The following HAVCR2 variants were observed in gnomAD, a reference collection of about 807,000 sequenced individuals.
HAVCR2 encodes hepatitis A virus cellular receptor 2, also known as T cell immunoglobulin mucin 3.
Under a neutral mutation model 24.7 loss-of-function variants are expected in HAVCR2, and 13 were observed. The observed-to-expected ratio is 0.53, with a 90% confidence interval of 0.34 to 0.84. HAVCR2 has a LOEUF of 0.84. Among genes scored for constraint, HAVCR2 ranks in the 40% least tolerant of loss-of-function variants. The probability of loss-of-function intolerance (pLI) is 0.01; values close to 1 mark genes in which losing one functional copy is unlikely to be tolerated. For synonymous variants in HAVCR2, 154 were observed against 143.4 expected (o/e 1.07, Z -0.53); for missense variants, 343 against 371.2 (o/e 0.92, Z 0.62).
chr5:157,104,606 C>A (rs1033357946), intron 3 of HAVCR2, 60 bp downstream of exon 3: 5 of 1,219,682 alleles, frequency 4.1e-6, no homozygotes, highest in Non-Finnish European at 4.7e-6. Context: ...TTCCCACATT[C>A]AAAATCCTCT....
chr5:157,096,103 G>A (rs571084287), intron 4 of HAVCR2, among the ~76,000 whole-genome samples: 6 of 151,892 alleles, frequency 4.0e-5, no homozygotes, highest in Admixed American at 6.6e-5. Flanking sequence ...ACACATGCCT[G>A]TAATCCTAGC....
chr5:157,096,223 C>T lies in HAVCR2; in HGVS notation c.523-764G>A, dbSNP rs191153103. On this transcript the variant is annotated intron_variant, in intron 4 of 6. Coordinates refer to ENST00000307851, the MANE Select transcript of HAVCR2 (RefSeq NM_032782.5). The stretch of plus-strand genomic sequence containing the variant: ...CCAACCTGGGCAACAGAGCGAGACT[C>T]CATCTCAAAAAAAAAAAAAAAAAAA... 3.3e-3 allele frequency among the ~76,000 whole-genome samples: 368 copies of T among 110,866 alleles called. 3 individuals are homozygous for T. In the South Asian group the frequency reaches 0.041, roughly 12 times the overall value. 72.7% of individuals were successfully genotyped at this position (110,866 alleles called of 152,430 possible).
At chr5:157,099,466 G>A (rs2113691113) in intron 3 of HAVCR2, among the ~76,000 whole-genome samples, 1 of 152,056 alleles carries the variant, frequency 6.6e-6, no homozygotes, top group African/African-American at 2.4e-5. Context: ...TGACCAGGCT[G>A]GTTGTGAACT....
At chr5:157,098,489 C>T (rs1376151559) in intron 4 of HAVCR2, among the ~76,000 whole-genome samples, 1 of 151,910 alleles carries the variant, frequency 6.6e-6, no homozygotes, top group Non-Finnish European at 1.5e-5. Context: ...TTTAAATACT[C>T]TTTCCCATTA....
intron 1 of HAVCR2, among the ~76,000 whole-genome samples, chr5:157,108,487 A>C (rs887171439): frequency 6.6e-6 from 1 of 152,034 alleles, no homozygotes; most frequent in African/African-American, 2.4e-5. Context: ...ACTCCATCTC[A>C]ATTGAAAAAA....
chr5:157,091,660 G>A (rs1166280877), intron 5 of HAVCR2, among the ~76,000 whole-genome samples: 1 of 152,044 alleles, frequency 6.6e-6, no homozygotes, highest in Non-Finnish European at 1.5e-5. Flanking sequence ...AGGAATGCAT[G>A]GACTAGAACA....
At chr5:157,094,674 C>T (rs1202470821) in intron 5 of HAVCR2, among the ~76,000 whole-genome samples, 2 of 151,236 alleles carry the variant, frequency 1.3e-5, no homozygotes, top group African/African-American at 2.4e-5. Flanking sequence ...TGAGCCACTG[C>T]GCCGGGCCTG....
intron 4 of HAVCR2, among the ~76,000 whole-genome samples, chr5:157,098,310 G>C (rs906529298): frequency 2.0e-5 from 3 of 152,024 alleles, no homozygotes; most frequent in Non-Finnish European, 4.4e-5. Context: ...GGAAGGCTGA[G>C]GCAGGAGAAT....
At chr5:157,098,014 G>A (rs371948504) in intron 4 of HAVCR2, among the ~76,000 whole-genome samples, 2 of 152,204 alleles carry the variant, frequency 1.3e-5, no homozygotes, top group South Asian at 2.1e-4. Context: ...GCTCATGCCT[G>A]TAATCCCAGC....
chr5:157,098,982 T>A (rs902624028), intron 3 of HAVCR2, 81 bp from the exon 4 acceptor site: 14 of 1,261,118 alleles, frequency 1.1e-5, no homozygotes, highest in Middle Eastern at 4.6e-4. Context: ...TCTAAGTTTT[T>A]AAAAAATCTT....
chr5:157,106,725 T>C lies in HAVCR2; in HGVS notation c.296A>G (p.Asn99Ser), dbSNP rs1183555178. 6.2e-7 allele frequency: 1 copy of C among 1,614,226 alleles called. No individual in the cohort carries two copies. The highest frequency in any genetic ancestry group is 1.1e-5 in the South Asian group (1 of 91,090). Residue 99 changes from asparagine (N) to serine (S), a missense_variant, in exon 2 of 7, where the codon AAT becomes AGT. Transcript: ENST00000307851. The part of the protein sequence containing the change: ...RKGDVSLTIE[N>S]VTLADSGIYC... ...GATCCCACTGTCTGCTAGAGTCACATTCTCTATGGTCAGGGACACATCTCC... is the reference window on the plus strand; with the variant it reads ...GATCCCACTGTCTGCTAGAGTCACACTCTCTATGGTCAGGGACACATCTCC...
chr5:157,102,650 G>A (rs148786728), intron 3 of HAVCR2, among the ~76,000 whole-genome samples: 178 of 152,084 alleles, frequency 1.2e-3, no homozygotes, highest in Middle Eastern at 3.4e-3. Context: ...AAACTAAAGG[G>A]AAGGCTGGGC....
intron 2 of HAVCR2, chr5:157,106,384 CCTCCCAAAGTGCTGGGA>C: frequency 2.0e-6 from 1 of 489,610 alleles, no homozygotes; most frequent in South Asian, 2.6e-5. Context: ...CCGGCCTCAG[CCTCCCAAAGTGCTGGGA>C]TTAGAGGTGT....
At chr5:157,099,654 C>T (rs527678069) in intron 3 of HAVCR2, among the ~76,000 whole-genome samples, 10 of 152,154 alleles carry the variant, frequency 6.6e-5, no homozygotes, top group South Asian at 2.1e-4. Context: ...GGCTGGAGTG[C>T]AGTGGCACAA....
chr5:157,099,458 A>G (rs2113691104), intron 3 of HAVCR2, among the ~76,000 whole-genome samples: 1 of 151,910 alleles, frequency 6.6e-6, no homozygotes, highest in African/African-American at 2.4e-5. Flanking sequence ...GGCCATGTTG[A>G]CCAGGCTGGT....
At chr5:157,105,392 C>T (rs1748173896) in intron 2 of HAVCR2, among the ~76,000 whole-genome samples, 2 of 152,030 alleles carry the variant, frequency 1.3e-5, no homozygotes, top group South Asian at 2.1e-4. Context: ...TTTTTAGTAT[C>T]TGCCTATACT....
intron 2 of HAVCR2, 167 bp downstream of exon 2, chr5:157,106,460 T>G (rs145087953): frequency 4.8e-6 from 3 of 619,076 alleles, no homozygotes; most frequent in African/African-American, 1.8e-5. Context: ...AGAGAGAAGG[T>G]GTTAAATATC....
At chr5:157,091,215 C>A (rs969009725) in intron 5 of HAVCR2, among the ~76,000 whole-genome samples, 2 of 152,132 alleles carry the variant, frequency 1.3e-5, no homozygotes, top group African/African-American at 4.8e-5. Flanking sequence ...GAGGCCAAGG[C>A]GGGCAGATCA....
Position 157,095,367 on chromosome 5 carries a change from G to T in HAVCR2, c.615C>A (p.Ile205=). The change falls in exon 5 of 7, where the codon ATC becomes ATA. Residue 205 remains isoleucine (I), a synonymous_variant. Coordinates refer to ENST00000307851, the MANE Select transcript of HAVCR2 (RefSeq NM_032782.5). ...SGATIRIGIY[I]GAGICAGLAL... ...CCAGCCCAGCACAGATCCCTGCTCC[G>T]ATGTAGATGCCTATTCTGATGGTTG... 2 of 1,614,158 alleles carry T rather than the reference G, an allele frequency of 1.2e-6. No homozygotes were observed. The highest frequency in any genetic ancestry group is 1.1e-5 in the South Asian group (1 of 91,088).
Sources: gnomAD v4.1 joint callset for allele counts (sites outside exome capture counted in the v4.1 genomes callset) on GRCh38, gnomAD v4.1.1 for gene constraint, MANE v1.5 for transcripts, NCBI Gene and HGNC (gene_info 2026-07-23, HGNC 2026-07-21) for gene names.